Variants in TG observed in about 807,000 individuals in gnomAD.
TG encodes the protein thyroglobulin, also known as thyroid hormones.
Under a neutral mutation model 324.7 loss-of-function variants are expected in TG, and 270 were observed. The ratio of observed to expected loss-of-function variants is 0.83; its 90% CI spans 0.75 to 0.92. The LOEUF (loss-of-function observed/expected upper bound fraction) is 0.92, where lower values mean the gene tolerates loss of function less well. Ranked by LOEUF, TG falls within the 40% of genes least tolerant of loss-of-function variation. The pLI is 0.00. For synonymous variants in TG, 1,401 were observed against 1,327.0 expected (o/e 1.06, Z -1.21); for missense variants, 3,591 against 3,456.4 (o/e 1.04, Z -0.98).
chr8:132,936,682 T>G (rs1563976733), intron 25 of TG, among the ~76,000 whole-genome samples: 1 of 152,170 alleles, frequency 6.6e-6, no homozygotes, highest in Non-Finnish European at 1.5e-5. Flanking sequence ...CAGGAACTCT[T>G]TCCCTGGAAT....
intron 10 of TG, among the ~76,000 whole-genome samples, chr8:132,891,494 C>G (rs1373958511): frequency 6.6e-6 from 1 of 152,066 alleles, no homozygotes; most frequent in Non-Finnish European, 1.5e-5. Context: ...ACCATCACGC[C>G]CAGCTAATTT....
chr8:133,133,521 C>A lies in TG; in HGVS notation c.8049C>A (p.Thr2683=). The part of the protein sequence containing the change: ...EFSRKVPTFA[T]PWPDFVPRAG... ...CACGGAAAGTACCCACATTTGCAACCCCCTGGCCTGACTTTGTACCCCGTG... is the reference window on the plus strand; with the variant it reads ...CACGGAAAGTACCCACATTTGCAACACCCTGGCCTGACTTTGTACCCCGTG... Residue 2683 remains threonine (T), a synonymous_variant, in exon 47 of 48, where the codon ACC becomes ACA. Coordinates refer to ENST00000220616, the MANE Select transcript of TG (RefSeq NM_003235.5). 1 of 1,614,186 alleles carries A rather than the reference C, an allele frequency of 6.2e-7. No individual in the cohort carries two copies. The highest frequency in any genetic ancestry group is 8.5e-7 in the Non-Finnish European group (1 of 1,180,030).
At chr8:132,974,059 T>G (rs948680362) in intron 34 of TG, among the ~76,000 whole-genome samples, 1 of 147,784 alleles carries the variant, frequency 6.8e-6, no homozygotes, top group East Asian at 2.0e-4. Context: ...AATGGCGCGA[T>G]CTCAGCTCAC....
chr8:133,085,837 GT>G (rs1846456010), intron 41 of TG, among the ~76,000 whole-genome samples: 1 of 152,158 alleles, frequency 6.6e-6, no homozygotes, highest in South Asian at 2.1e-4. Flanking sequence ...CAACACAAGA[GT>G]TTTCATGTGA....
intron 22 of TG, among the ~76,000 whole-genome samples, chr8:132,926,530 C>T (rs765123109): frequency 2.6e-5 from 4 of 152,114 alleles, no homozygotes; most frequent in Non-Finnish European, 5.9e-5. Flanking sequence ...TATTCTATTC[C>T]AGGGCCATAG....
At chr8:133,089,489 T>C (rs1008905592) in intron 41 of TG, among the ~76,000 whole-genome samples, 2 of 152,200 alleles carry the variant, frequency 1.3e-5, no homozygotes, top group Admixed American at 6.5e-5. Flanking sequence ...GGATTCCTCA[T>C]TGCCCGTTGC....
intron 43 of TG, among the ~76,000 whole-genome samples, chr8:133,111,625 T>G (rs1850253804): frequency 6.6e-6 from 1 of 152,198 alleles, no homozygotes; most frequent in Non-Finnish European, 1.5e-5. Flanking sequence ...TCAGATGCGT[T>G]GTAGATGGTA....
chr8:133,042,678 C>CCTTTTTTTTTTTTTTTTT (rs1554706932), intron 41 of TG, among the ~76,000 whole-genome samples: 12 of 56,768 alleles, frequency 2.1e-4, no homozygotes, highest in East Asian at 1.3e-3. Context: ...CATTCTGTGT[C>CCTTTTTTTTTTTTTTTTT]TTTTTTTTTT....
At chr8:132,879,504 A>G (rs914526323) in intron 5 of TG, among the ~76,000 whole-genome samples, 5 of 152,258 alleles carry the variant, frequency 3.3e-5, no homozygotes, top group African/African-American at 4.8e-5. Flanking sequence ...TTGTTCATAC[A>G]TATCACTTGT....
intron 43 of TG, among the ~76,000 whole-genome samples, chr8:133,098,086 C>T (rs1357741514): frequency 1.3e-5 from 2 of 152,162 alleles, no homozygotes; most frequent in Admixed American, 6.5e-5. Flanking sequence ...CAAGCACTCA[C>T]ATACAGCATA....
chr8:133,047,791 C>G (rs775398970), intron 41 of TG: 1 of 1,128,472 alleles, frequency 8.9e-7, no homozygotes. Context: ...ACATGCTTGT[C>G]TGCCCCGGAT....
intron 41 of TG, among the ~76,000 whole-genome samples, chr8:133,065,416 G>C (rs1044205994): frequency 2.0e-5 from 3 of 152,214 alleles, no homozygotes; most frequent in Admixed American, 2.0e-4. Flanking sequence ...GCTGTCCTCT[G>C]ACAGAAAAGA....
chr8:133,069,644 G>A (rs1056242023), intron 41 of TG, among the ~76,000 whole-genome samples: 1 of 152,132 alleles, frequency 6.6e-6, no homozygotes, highest in African/African-American at 2.4e-5. Flanking sequence ...CAGCAGGTTT[G>A]TTTCTACTCT....
chr8:133,111,897 G>A (rs555003736), intron 43 of TG, among the ~76,000 whole-genome samples: 3 of 152,210 alleles, frequency 2.0e-5, no homozygotes, highest in Admixed American at 2.0e-4. Context: ...TCCTGGCTTC[G>A]GTCATCCTGA....
intron 27 of TG, among the ~76,000 whole-genome samples, chr8:132,950,273 C>T (rs900738259): frequency 6.6e-6 from 1 of 152,240 alleles, no homozygotes; most frequent in Non-Finnish European, 1.5e-5. Flanking sequence ...TTCCACTCCA[C>T]CTTCTGAGTT....
intron 20 of TG, among the ~76,000 whole-genome samples, 200 bp from the exon 21 acceptor site, chr8:132,919,176 C>G (rs1314618215): frequency 1.3e-5 from 2 of 152,186 alleles, no homozygotes; most frequent in Non-Finnish European, 2.9e-5. Flanking sequence ...ACTTCCCGGA[C>G]AGCAGGAAGC....
At chr8:133,113,311 C>A in intron 43 of TG, 111 bp from the exon 44 acceptor site, 1 of 1,236,656 alleles carries the variant, frequency 8.1e-7, no homozygotes, top group Non-Finnish European at 1.2e-6. Flanking sequence ...GTGTTTAATG[C>A]CATGCCCCAC....
intron 11 of TG, among the ~76,000 whole-genome samples, chr8:132,896,023 C>T (rs949632246): frequency 6.6e-6 from 1 of 152,264 alleles, no homozygotes; most frequent in East Asian, 1.9e-4. Context: ...GAGCGAAGTG[C>T]CTTTGGCCAC....
chr8:133,033,591 T>A (rs1298930504), intron 41 of TG, among the ~76,000 whole-genome samples: 1 of 152,184 alleles, frequency 6.6e-6, no homozygotes, highest in Non-Finnish European at 1.5e-5. Flanking sequence ...CCTGCATGAA[T>A]CCTGCATGAA....
Sources: gnomAD v4.1 joint callset for allele counts (sites outside exome capture counted in the v4.1 genomes callset) on GRCh38, gnomAD v4.1.1 for gene constraint, MANE v1.5 for transcripts, NCBI Gene and HGNC (gene_info 2026-07-23, HGNC 2026-07-21) for gene names.